Variants in ZNF514 observed in about 807,000 individuals in gnomAD.
ZNF514 encodes zinc finger protein 514.
ZNF514 carries 12 observed loss-of-function variants against 9.7 expected under a neutral mutation model. The ratio of observed to expected loss-of-function variants is 1.24; its 90% CI spans 0.79 to 2.01. The LOEUF (loss-of-function observed/expected upper bound fraction) is 2.01. Ranked by LOEUF, ZNF514 falls within the 30% of genes most tolerant of loss-of-function variation. The pLI, the probability that ZNF514 is intolerant of heterozygous loss-of-function variation, is 0.00. For synonymous variants in ZNF514, 158 were observed against 163.7 expected, an observed-to-expected ratio of 0.97 and a Z score of 0.27; for missense variants, 467 against 465.5, an observed-to-expected ratio of 1.00 and a Z score of -0.03.
chr2:95,133,376 A>G, the ZNF514 span, among the ~76,000 whole-genome samples: 2 of 152,210 alleles, frequency 1.3e-5, no homozygotes, highest in Non-Finnish European at 2.9e-5. Context: ...AAAAGGTCAC[A>G]TACTGCATGG....
At chr2:95,156,234 T>C (rs1474315341) in intron 2 of ZNF514, among the ~76,000 whole-genome samples, 2 of 152,240 alleles carry the variant, frequency 1.3e-5, no homozygotes, top group South Asian at 4.1e-4. Context: ...CTATCCTGGA[T>C]GCTGGGAAAC....
At chr2:95,130,562 C>T in the ZNF514 span, among the ~76,000 whole-genome samples, 2 of 152,178 alleles carry the variant, frequency 1.3e-5, no homozygotes, top group Admixed American at 6.5e-5. Context: ...GAGACCTACC[C>T]CTAGGTGTGC....
chr2:95,128,286 A>C, the ZNF514 span, among the ~76,000 whole-genome samples: 3 of 151,112 alleles, frequency 2.0e-5, no homozygotes, highest in Non-Finnish European at 4.4e-5. Context: ...GCTACTCAGG[A>C]GGCTGAGGCA....
At chr2:95,124,324 CT>C in the ZNF514 span, among the ~76,000 whole-genome samples, 1 of 152,170 alleles carries the variant, frequency 6.6e-6, no homozygotes, top group South Asian at 2.1e-4. Context: ...TCATGACTGG[CT>C]TTTTTTCACT....
At chr2:95,157,253 C>T (rs1207510877) in intron 2 of ZNF514, 98 bp downstream of exon 2, 1 of 701,736 alleles carries the variant, frequency 1.4e-6, no homozygotes, top group South Asian at 1.5e-5. Flanking sequence ...AGCATTGGGT[C>T]AGTTCCCTTA....
chr2:95,156,306 C>T (rs1319583864), intron 2 of ZNF514, among the ~76,000 whole-genome samples: 1 of 152,196 alleles, frequency 6.6e-6, no homozygotes, highest in Non-Finnish European at 1.5e-5. Context: ...CTGAATCCCC[C>T]CTGAGGGCCA....
chr2:95,126,423 A>G, the ZNF514 span, among the ~76,000 whole-genome samples: 2 of 151,748 alleles, frequency 1.3e-5, no homozygotes, highest in African/African-American at 4.8e-5. Flanking sequence ...GAAGAAAAAA[A>G]GAAAGAAACT....
chr2:95,149,468 A>G lies in ZNF514; in HGVS notation c.1017T>C (p.Thr339=). Residue 339 remains threonine (T), a synonymous_variant, in exon 5 of 5, where the codon ACT becomes ACC. Transcript: ENST00000295208. ...SSLIVHYRFH[T]GEKPYKCNKC... is the part of the protein sequence containing the mutation. ...TATTACATTTGTAAGGTTTCTCTCC[A>G]GTATGAAATCTGTAATGCACAATGA... The G allele has an allele frequency of 6.2e-7, 1 of 1,614,018 alleles. No individual in the cohort carries two copies. Among genetic ancestry groups the G allele is most frequent in the South Asian group, 1.1e-5 (1 of 91,072 alleles).
At chr2:95,150,289 AAAG>A (rs775750568) in intron 4 of ZNF514, 22 bp from the exon 5 acceptor site, 302 of 1,524,362 alleles carry the variant, frequency 2.0e-4, no homozygotes, top group Non-Finnish European at 2.3e-4. Context: ...AAAAAAAAAA[AAAG>A]AAGACATTCT....
At chr2:95,127,628 G>GT in the ZNF514 span, among the ~76,000 whole-genome samples, 1 of 151,998 alleles carries the variant, frequency 6.6e-6, no homozygotes, top group Admixed American at 6.5e-5. Context: ...GTTTTGTGTT[G>GT]TTTTTTGAGA....
At chr2:95,157,688 C>T (rs1673724749) in intron 1 of ZNF514, among the ~76,000 whole-genome samples, 1 of 152,200 alleles carries the variant, frequency 6.6e-6, no homozygotes, top group African/African-American at 2.4e-5. Flanking sequence ...TGAAGTGTGA[C>T]CAGTCTGGCC....
chr2:95,138,188 AT>A, the ZNF514 span, among the ~76,000 whole-genome samples: 1 of 152,242 alleles, frequency 6.6e-6, no homozygotes, highest in Non-Finnish European at 1.5e-5. Context: ...ACGGCCTAAT[AT>A]AGAAAATTGG....
At position 95,149,010 on chromosome 2, in the gene ZNF514, G is replaced by T. The variant is rs1374878001; in HGVS notation, c.*272C>A. 4 of 405,996 alleles carry T rather than the reference G, an allele frequency of 9.9e-6. No individual in the cohort carries two copies. Among genetic ancestry groups the T allele is most frequent in the Non-Finnish European group, 1.3e-5 (3 of 229,298 alleles). The allele number at this position is 405,996 out of a possible 1,614,324, so 25.1% of individuals were successfully genotyped here. A position where few individuals can be genotyped will look rare whatever the true frequency, so the allele number is the denominator to read the frequency against. ...TCCCCAGTGTCGGCTGTCTGATGCT[G>T]AATAATATGCATCCTCTGATCAAAG... On this transcript the variant is annotated 3_prime_UTR_variant, in exon 5 of 5. Transcript: ENST00000295208.
the ZNF514 span, among the ~76,000 whole-genome samples, chr2:95,138,499 T>A: frequency 6.6e-6 from 1 of 152,218 alleles, no homozygotes; most frequent in African/African-American, 2.4e-5. Context: ...ATCCATGCCC[T>A]AGGGATCTGT....
Position 95,150,133 on chromosome 2 carries a change from C to T in ZNF514, c.352G>A (p.Gly118Ser), listed in dbSNP as rs151077080. Residue 118 changes from glycine to serine, a missense_variant, in exon 5 of 5, where the codon GGT (glycine) becomes AGT (serine). Physicochemically the swap from Gly to Ser is moderately conservative, Grantham distance 56. Coordinates refer to ENST00000295208, the MANE Select transcript of ZNF514 (RefSeq NM_032788.3). ...TGCATCTCTAACTGGCCATCACAAC[C>T]GCAGGCTGCTTTCAACTTCGAGAAC... ...LQFSKLKAACGCDGQLEMQQI... is the reference protein window; with the variant it reads ...LQFSKLKAACSCDGQLEMQQI... 3.0e-3 allele frequency: 4,891 copies of T among 1,611,426 alleles called. 15 individuals are homozygous for T. Among genetic ancestry groups the T allele is most frequent in the Non-Finnish European group, 3.5e-3 (4,105 of 1,180,012 alleles).
At chr2:95,144,118 G>A (rs1387927993), downstream of ZNF514, among the ~76,000 whole-genome samples, 1 of 152,172 alleles carries the variant, frequency 6.6e-6, no homozygotes, top group Non-Finnish European at 1.5e-5. Flanking sequence ...TCTGCTTGGA[G>A]TCTGTAAGCA....
chr2:95,139,037 T>C, the ZNF514 span, among the ~76,000 whole-genome samples: 1 of 152,268 alleles, frequency 6.6e-6, no homozygotes, highest in Non-Finnish European at 1.5e-5. Flanking sequence ...CTTTGGAGAA[T>C]GCAAGCAGTA....
At chr2:95,133,444 T>C in the ZNF514 span, among the ~76,000 whole-genome samples, 1 of 152,186 alleles carries the variant, frequency 6.6e-6, no homozygotes, top group East Asian at 1.9e-4. Context: ...GATGAGTGGT[T>C]GTCAGGAGTT....
intron 2 of ZNF514, chr2:95,155,096 A>C (rs1017311619): frequency 4.6e-5 from 7 of 152,194 alleles, no homozygotes; most frequent in African/African-American, 1.7e-4. Context: ...AATTCATAAA[A>C]AGCTGATTAA....
Sources: allele counts gnomAD v4.1 joint callset (sites outside exome capture counted in the v4.1 genomes callset), GRCh38; gene constraint gnomAD v4.1.1; transcripts MANE v1.5; gene names NCBI Gene and HGNC (gene_info 2026-07-23, HGNC 2026-07-21).